Variants in LAMA4 observed in about 807,000 individuals in gnomAD.
LAMA4 encodes laminin subunit alpha-4.
A neutral mutation model predicts 207.1 loss-of-function variants in LAMA4; 127 were observed. The observed-to-expected ratio is 0.61, with a 90% CI of 0.53 to 0.71. The LOEUF (loss-of-function observed/expected upper bound fraction) is 0.71, where lower values mean the gene tolerates loss of function less well. Ranked by LOEUF, LAMA4 falls within the 30% of genes least tolerant of loss-of-function variation. The pLI, the probability that LAMA4 is intolerant of heterozygous loss-of-function variation, is 0.00. For synonymous variants in LAMA4, 761 were observed against 816.0 expected, an observed-to-expected ratio of 0.93 and a Z score of 1.15; for missense variants, 2,093 against 2,246.5, an observed-to-expected ratio of 0.93 and a Z score of 1.38.
intron 20 of LAMA4, 69 bp from the exon 21 acceptor site, chr6:112,141,572 G>T: frequency 8.0e-7 from 1 of 1,254,310 alleles, no homozygotes; most frequent in South Asian, 1.2e-5. Flanking sequence ...TTTTTTAAAG[G>T]ACAATCAGAA....
chr6:112,118,809 T>C lies in LAMA4; in HGVS notation c.4821+347A>G, dbSNP rs1778178469. Among the ~76,000 whole-genome samples, 1 of 152,056 alleles carries C rather than the reference T, an allele frequency of 6.6e-6. No individual in the cohort carries two copies. Among genetic ancestry groups the C allele is most frequent in the South Asian group, 2.1e-4 (1 of 4,822 alleles). The stretch of plus-strand genomic sequence containing the variant: ...ACTTTTTTTTTCACTCAATAATGTA[T>C]AATGCAATGATTTGCTTTCTTTTTT... On this transcript the variant is annotated intron_variant, in intron 34 of 38. Transcript: ENST00000230538. This position sits in a 1 kb window ranked among gnomAD's most constrained non-coding sequence, Gnocchi z 4.6.
At chr6:112,121,006 T>G (rs1554326021) in intron 32 of LAMA4, among the ~76,000 whole-genome samples, 1 of 151,826 alleles carries the variant, frequency 6.6e-6, no homozygotes, top group African/African-American at 2.4e-5. Context: ...CCTGGGAGGT[T>G]GAGGCCACAG....
At chr6:112,131,866 C>T (rs1242282114) in intron 28 of LAMA4, among the ~76,000 whole-genome samples, 1 of 152,102 alleles carries the variant, frequency 6.6e-6, no homozygotes, top group African/African-American at 2.4e-5. Flanking sequence ...CCTGGCACAT[C>T]AGTGTATATA....
At chr6:112,130,396 A>T (rs1167707813) in intron 29 of LAMA4, among the ~76,000 whole-genome samples, 1 of 151,672 alleles carries the variant, frequency 6.6e-6, no homozygotes, top group Non-Finnish European at 1.5e-5. Flanking sequence ...GACCATTTTC[A>T]TGGCAAAGCA....
At chr6:112,215,760 C>G (rs954818026) in intron 3 of LAMA4, among the ~76,000 whole-genome samples, 9 of 152,128 alleles carry the variant, frequency 5.9e-5, no homozygotes, top group Non-Finnish European at 1.2e-4. Context: ...ATCTTTCGCA[C>G]AAGGCTCTAT....
chr6:112,194,099 T>G (rs1044090131), intron 5 of LAMA4, among the ~76,000 whole-genome samples: 1 of 152,186 alleles, frequency 6.6e-6, no homozygotes, highest in African/African-American at 2.4e-5. Context: ...GCACCTCAGA[T>G]TTATAGGCCT....
intron 2 of LAMA4, among the ~76,000 whole-genome samples, chr6:112,244,205 G>A (rs1016703501): frequency 1.4e-4 from 21 of 152,226 alleles, no homozygotes; most frequent in African/African-American, 4.6e-4. Flanking sequence ...GCCAAACCAC[G>A]CCAAAACCAA....
At chr6:112,190,421 T>G (rs1249960971) in intron 6 of LAMA4, among the ~76,000 whole-genome samples, 1 of 152,210 alleles carries the variant, frequency 6.6e-6, no homozygotes, top group East Asian at 1.9e-4. Flanking sequence ...TTTTTTTATT[T>G]AAAACTCCTT....
intron 2 of LAMA4, chr6:112,253,456 T>G (rs1425602039): frequency 1.4e-5 from 5 of 369,154 alleles, no homozygotes; most frequent in Non-Finnish European, 2.6e-5. Flanking sequence ...TAACAGCTCC[T>G]TTCATGACCA....
At position 112,204,737 on chromosome 6, in the gene LAMA4, A is replaced by G. The variant is rs571038242; in HGVS notation, c.422+2284T>C. On this transcript the variant is annotated intron_variant, in intron 4 of 38. Coordinates refer to ENST00000230538, the MANE Select transcript of LAMA4 (RefSeq NM_001105206.3). ...GTGAAGGGAGCTCATAAATCAGGAC[A>G]TACTTGAGTGAAAATAACAGAACAG... is the stretch of plus-strand genomic sequence containing the variant. 1.4e-4 allele frequency among the ~76,000 whole-genome samples: 21 copies of G among 152,352 alleles called. No individual in the cohort carries two copies. In the South Asian group the frequency reaches 3.5e-3, roughly 26 times the overall value.
intron 2 of LAMA4, among the ~76,000 whole-genome samples, chr6:112,250,343 T>C (rs782109417): frequency 1.3e-5 from 2 of 152,194 alleles, no homozygotes; most frequent in South Asian, 2.1e-4. Context: ...TGCTGGGACA[T>C]GGGGTCACGT....
chr6:112,120,541 A>C, intron 32 of LAMA4, 69 bp from the exon 33 acceptor site: 1 of 1,203,212 alleles, frequency 8.3e-7, no homozygotes, highest in Non-Finnish European at 1.2e-6. Flanking sequence ...ACTTCTTAAA[A>C]TAATACAGTG....
rs1554330295 is a variant in LAMA4 at position 112,132,782 on chromosome 6, T to G, written c.3805A>C (p.Asn1269His). The G allele has an allele frequency of 1.2e-6, 2 of 1,613,098 alleles. No homozygotes were observed. The highest frequency in any genetic ancestry group is 3.3e-5 in the Admixed American group (2 of 59,960). The change falls in exon 28 of 39, where the codon AAT (asparagine) becomes CAT (histidine). Residue 1269 changes from asparagine (N) to histidine (H), a missense_variant. By Grantham distance (68) the Asn-to-His change is moderately conservative. Coordinates refer to ENST00000230538, the MANE Select transcript of LAMA4 (RefSeq NM_001105206.3). ...GGFNFRTLQP[N>H]GLLFYYASGS... ...GAAGCATAATAGAATAGTAACCCAT[T>G]TGGTTGTAATGTTCGGAAATTAAAA...
At chr6:112,212,372 C>T (rs1357759185) in intron 3 of LAMA4, among the ~76,000 whole-genome samples, 8 of 151,936 alleles carry the variant, frequency 5.3e-5, no homozygotes, top group South Asian at 2.1e-4. Flanking sequence ...TACAGGCGCC[C>T]GCCACAATAC....
At position 112,168,819 on chromosome 6, in the gene LAMA4, A is replaced by T. The variant is rs116677259; in HGVS notation, c.1552-3543T>A. ...TAGTTTTCACTGAATTCTCAAAAGGATATAAGACTGCAGGAACCACTGGAC... is the reference window on the plus strand; with the variant it reads ...TAGTTTTCACTGAATTCTCAAAAGGTTATAAGACTGCAGGAACCACTGGAC... On this transcript the variant is annotated intron_variant, in intron 12 of 38. Coordinates refer to ENST00000230538, the MANE Select transcript of LAMA4 (RefSeq NM_001105206.3). 2.1e-3 allele frequency among the ~76,000 whole-genome samples: 320 copies of T among 152,250 alleles called. 2 individuals are homozygous for T. Among genetic ancestry groups the T allele is most frequent in the African/African-American group, 7.4e-3 (306 of 41,538 alleles).
At chr6:112,225,167 T>C (rs1046070378) in intron 2 of LAMA4, among the ~76,000 whole-genome samples, 2 of 152,280 alleles carry the variant, frequency 1.3e-5, no homozygotes, top group Admixed American at 6.5e-5. Flanking sequence ...TCTCTCTACA[T>C]ATCCCTGATC....
At chr6:112,177,924 G>A (rs1562698233) in intron 10 of LAMA4, among the ~76,000 whole-genome samples, 197 bp downstream of exon 10, 1 of 152,356 alleles carries the variant, frequency 6.6e-6, no homozygotes, top group South Asian at 2.1e-4. Flanking sequence ...TCAACAGATA[G>A]TAAGTAGGGA....
rs557464319 is a variant in LAMA4, at chr6:112,202,454, G to A, written c.423-766C>T. Among the ~76,000 whole-genome samples the A allele has an allele frequency of 1.4e-4, 22 of 151,870 alleles. No homozygotes were observed. In the South Asian group the frequency reaches 3.1e-3, roughly 22 times the overall value. ...GTGTGGGGCATAGGGGTGTGTGTGT[G>A]TGTGTGTGTGTATGTAAAATTTTAA... On this transcript the variant is annotated intron_variant, in intron 4 of 38. Transcript: ENST00000230538.
chr6:112,139,979 G>A, intron 22 of LAMA4, 94 bp from the exon 23 acceptor site: 1 of 1,231,734 alleles, frequency 8.1e-7, no homozygotes. Context: ...AGGTCAAGGA[G>A]ACCTACCCCT....
Sources: allele counts gnomAD v4.1 joint callset (sites outside exome capture counted in the v4.1 genomes callset), GRCh38; gene constraint gnomAD v4.1.1; non-coding constraint Gnocchi (gnomAD v3.1); transcripts MANE v1.5; gene names NCBI Gene and HGNC (gene_info 2026-07-23, HGNC 2026-07-21).